The following ATXN3 variants were observed in gnomAD, a reference collection of about 807,000 sequenced individuals.
ATXN3 encodes ataxin-3.
ATXN3 carries 28 observed loss-of-function variants against 58.2 expected under a neutral mutation model. That is an observed-to-expected ratio of 0.48 (90% CI 0.36 to 0.66). The LOEUF (loss-of-function observed/expected upper bound fraction) is 0.66, where lower values mean the gene tolerates loss of function less well. Ranked by LOEUF, ATXN3 falls within the 30% of genes least tolerant of loss-of-function variation. The probability of loss-of-function intolerance (pLI) is 0.00; values close to 1 mark genes in which losing one functional copy is unlikely to be tolerated. For missense variants in ATXN3, 321 were observed against 422.1 expected (o/e 0.76, Z 2.10); for synonymous variants, 113 against 138.5 (o/e 0.82, Z 1.29).
chr14:92,070,929 CCTTA>C lies in ATXN3; in HGVS notation c.991+2_991+5del. The C allele has an allele frequency of 6.2e-7, 1 of 1,613,344 alleles. No homozygotes were observed. The highest frequency in any genetic ancestry group is 1.7e-5 in the Admixed American group (1 of 59,924). On this transcript the variant is annotated splice_donor_variant and splice_donor_5th_base_variant and intron_variant, in intron 10 of 10. Transcript: ENST00000644486. LOFTEE classifies it high-confidence loss of function. Reference sequence around the variant, plus strand: ...GCGAACATGATGAATGGTGAGCAGGCCTTACCTAGATCACTCCCAAGTGCTCCTG... The same window carrying C: ...GCGAACATGATGAATGGTGAGCAGGCCCTAGATCACTCCCAAGTGCTCCTG...
At position 92,093,067 on chromosome 14, in the gene ATXN3, ATTTT is replaced by A. The variant is rs11340209; in HGVS notation, c.387+181_387+184del. On this transcript the variant is annotated intron_variant, in intron 5 of 10. Transcript: ENST00000644486. The stretch of plus-strand genomic sequence containing the variant: ...TTTATTTATTTTTATTTTTATTTTT[ATTTT>A]TTTTTTAAGAGACAGGACCTCCCTT... Among the ~76,000 whole-genome samples, 974 of 140,684 alleles carry A rather than the reference ATTTT, an allele frequency of 6.9e-3. 8 individuals are homozygous for A. Among genetic ancestry groups the A allele is most frequent in the African/African-American group, 0.024 (913 of 38,320 alleles). 92.3% of individuals were successfully genotyped at this position (140,684 alleles called of 152,430 possible).
At chr14:92,079,227 T>A (rs1338492411) in intron 9 of ATXN3, among the ~76,000 whole-genome samples, 1 of 150,278 alleles carries the variant, frequency 6.7e-6, no homozygotes, top group Non-Finnish European at 1.5e-5. Context: ...CGTGTGCTAG[T>A]ATTTGTTGAA....
chr14:92,097,607 G>A (rs1003436224), intron 1 of ATXN3, among the ~76,000 whole-genome samples: 4 of 150,264 alleles, frequency 2.7e-5, no homozygotes, highest in African/African-American at 9.8e-5. Flanking sequence ...CTCACTGTAA[G>A]CTCTGCCTCC....
In ATXN3 at chr14:92,060,548, T is replaced by G. The variant is rs1244364919; in HGVS notation, c.*3772A>C. On this transcript the variant is annotated 3_prime_UTR_variant, in exon 11 of 11. Transcript: ENST00000644486. ...TGCTGGGATTACAGGCGTGAGCCAC[T>G]GCACCCAGCCGGGAGATCATCAATA... is the stretch of plus-strand genomic sequence containing the variant. 3 of 151,118 alleles carry G rather than the reference T, an allele frequency of 2.0e-5. No individual in the cohort carries two copies. The highest frequency in any genetic ancestry group is 7.3e-5 in the African/African-American group (3 of 41,142). 9.4% of individuals were successfully genotyped at this position (151,118 alleles called of 1,614,324 possible).
intron 10 of ATXN3, among the ~76,000 whole-genome samples, chr14:92,070,065 T>C (rs948770994): frequency 6.6e-6 from 1 of 152,222 alleles, no homozygotes; most frequent in African/African-American, 2.4e-5. Flanking sequence ...AGTTGTTTTC[T>C]GATTATTCAG....
upstream of ATXN3, among the ~76,000 whole-genome samples, chr14:92,052,222 C>T (rs951068344): frequency 9.9e-5 from 15 of 151,976 alleles, no homozygotes; most frequent in Admixed American, 3.3e-4. Flanking sequence ...TCGCCGGGTG[C>T]GGTGGTTCAC....
intron 3 of ATXN3, among the ~76,000 whole-genome samples, 160 bp downstream of exon 3, chr14:92,095,933 C>T (rs17847278): frequency 0.27 from 40,737 of 151,602 alleles, 5,684 homozygotes; most frequent in East Asian, 0.44. Flanking sequence ...CAGAACGAGA[C>T]TCTGTCTCAA....
intron 9 of ATXN3, among the ~76,000 whole-genome samples, chr14:92,075,410 G>A (rs2060195078): frequency 6.6e-6 from 1 of 151,982 alleles, no homozygotes; most frequent in Non-Finnish European, 1.5e-5. Context: ...CAGATGATTC[G>A]CCTGCCTTGG....
intron 5 of ATXN3, among the ~76,000 whole-genome samples, chr14:92,092,783 TAC>T (rs768588123): frequency 4.6e-5 from 7 of 151,316 alleles, no homozygotes; most frequent in African/African-American, 1.5e-4. Flanking sequence ...TAAACCATGC[TAC>T]ACACACACAC....
intron 6 of ATXN3, among the ~76,000 whole-genome samples, chr14:92,088,445 C>T (rs944511467): frequency 2.6e-5 from 4 of 152,172 alleles, no homozygotes; most frequent in Non-Finnish European, 5.9e-5. Flanking sequence ...AGAAGAAAAA[C>T]ATCTATCCCT....
rs539649672 is a variant in ATXN3, at chr14:92,106,512, C to A, written c.24+17G>T. ...CACCGCGCGGCAGACAGCTCCCCAC[C>A]GAACGCGGACACTCACTTTCTCGTG... On this transcript the variant is annotated intron_variant, in intron 1 of 10. Transcript: ENST00000644486. 3.0e-5 allele frequency: 49 copies of A among 1,613,394 alleles called. 1 individual carries two copies. The South Asian group carries it at 5.3e-4, about 17-fold the overall frequency.
chr14:92,088,306 G>A (rs1286504100), intron 6 of ATXN3, among the ~76,000 whole-genome samples: 3 of 152,230 alleles, frequency 2.0e-5, no homozygotes, highest in Admixed American at 6.5e-5. Context: ...TCCTGACATC[G>A]TGATCCGCCT....
At chr14:92,056,070 C>T (rs2057463972), downstream of ATXN3, among the ~76,000 whole-genome samples, 1 of 152,198 alleles carries the variant, frequency 6.6e-6, no homozygotes, top group African/African-American at 2.4e-5. Context: ...AAAAATGGAT[C>T]TGGAGAAGGC....
At chr14:92,104,831 G>A (rs55957817) in intron 1 of ATXN3, among the ~76,000 whole-genome samples, 1,661 of 151,782 alleles carry the variant, frequency 0.011, 42 homozygotes, top group South Asian at 0.046. Flanking sequence ...ACTGAGGCAG[G>A]AGAATCGCTT....
intron 9 of ATXN3, 23 bp downstream of exon 9, chr14:92,080,942 T>C (rs2061362696): frequency 4.5e-6 from 7 of 1,549,398 alleles, no homozygotes; most frequent in Non-Finnish European, 4.5e-6. Flanking sequence ...ACATGCTACT[T>C]TAACTTGTAC....
intron 1 of ATXN3, among the ~76,000 whole-genome samples, chr14:92,099,727 G>C (rs1254162547): frequency 1.3e-5 from 2 of 152,108 alleles, no homozygotes; most frequent in African/African-American, 4.8e-5. Flanking sequence ...AATTAACTGA[G>C]CATGGTGGTG....
intron 1 of ATXN3, among the ~76,000 whole-genome samples, chr14:92,105,952 C>A (rs2068214000): frequency 6.6e-6 from 1 of 152,182 alleles, no homozygotes. Flanking sequence ...ACTTCACTTC[C>A]TAAATGTCAG....
At chr14:92,069,825 C>A (rs1416319825) in intron 10 of ATXN3, among the ~76,000 whole-genome samples, 1 of 152,084 alleles carries the variant, frequency 6.6e-6, no homozygotes, top group Non-Finnish European at 1.5e-5. Context: ...CTTTTACATT[C>A]CCATTAACAG....
Position 92,080,993 on chromosome 14 carries a change from G to C in ATXN3, c.844C>G (p.Arg282Gly). 1.2e-6 allele frequency: 2 copies of C among 1,612,164 alleles called. No homozygotes were observed. Among genetic ancestry groups the C allele is most frequent in the Non-Finnish European group, 1.7e-6 (2 of 1,178,576 alleles). ...TCAAAGTAGGCTTCTCGTCTCTTCC[G>C]AAGCTCTTCTGAAGTAAGATTTGTA... ...SGTNLTSEEL[R>G]KRREAYFEKQ... The change falls in exon 9 of 11, where the codon CGG (arginine) becomes GGG (glycine). Residue 282 changes from arginine to glycine, a missense_variant. Around this residue, in one of 2 missense-constraint regions of ATXN3, gnomAD observed 200 missense variants for 223.2 expected, o/e 0.90. Transcript: ENST00000644486.
Sources: gnomAD v4.1 joint callset for allele counts (sites outside exome capture counted in the v4.1 genomes callset) on GRCh38, gnomAD v4.1.1 for gene constraint, gnomAD v4.1.1 regional missense constraint, MANE v1.5 for transcripts, NCBI Gene and HGNC (gene_info 2026-07-23, HGNC 2026-07-21) for gene names.